Variants in TTN observed in about 807,000 individuals in gnomAD.
TTN encodes the protein titin.
TTN carries 1,525 observed loss-of-function variants against 3,223.0 expected under a neutral mutation model. The ratio of observed to expected loss-of-function variants is 0.47; its 90% CI spans 0.45 to 0.49. The LOEUF is 0.49. Among genes scored for constraint, TTN ranks in the 20% least tolerant of loss-of-function variants. TTN has a pLI of 0.00. For synonymous variants in TTN, 14,094 were observed against 15,161.0 expected, an observed-to-expected ratio of 0.93 and a Z score of 5.17; for missense variants, 40,786 against 43,424.0, an observed-to-expected ratio of 0.94 and a Z score of 5.40.
Position 178,564,999 on chromosome 2 carries a change from A to G in TTN, c.81133T>C (p.Phe27045Leu), listed in dbSNP as rs190041566. Residue 27045 changes from phenylalanine to leucine, a missense_variant, in exon 326 of 363, where the codon TTT becomes CTT. Transcript: ENST00000589042. Reference sequence around the variant, plus strand: ...TACCTGTTTTCAGCAAAAATTCTAAACTGGTACTCCGTGCCTGTTTTCAGT... The same window carrying G: ...TACCTGTTTTCAGCAAAAATTCTAAGCTGGTACTCCGTGCCTGTTTTCAGT... ...TKLKTGTEYQ[F>L]RIFAENRYGK... 25 of 1,612,294 alleles carry G rather than the reference A, an allele frequency of 1.6e-5. No homozygotes were observed. The highest frequency in any genetic ancestry group is 1.0e-4 in the Admixed American group (6 of 59,776).
At chr2:178,794,649 A>G in intron 7 of TTN, 98 bp from the exon 8 acceptor site, 2 of 1,399,202 alleles carry the variant, frequency 1.4e-6, no homozygotes, top group Non-Finnish European at 2.0e-6. Flanking sequence ...AGAGCAAAAT[A>G]CACTCATACA....
Position 178,789,467 on chromosome 2 carries a change from A to G in TTN, c.1969T>C (p.Ser657Pro). 1 of 1,613,492 alleles carries G rather than the reference A, an allele frequency of 6.2e-7. No homozygotes were observed. Among genetic ancestry groups the G allele is most frequent in the Non-Finnish European group, 8.5e-7 (1 of 1,179,560 alleles). ...MRKEAEKTAL[S>P]TIAVATAKAK... ...TTAGCAGTAGCAACTGCTATTGTAG[A>G]CAAGGCAGTTTTCTCGGCTTCCTTT... Residue 657 changes from serine to proline, a missense_variant, in exon 13 of 363, where the codon TCT becomes CCT. Transcript: ENST00000589042.
At position 178,629,403 on chromosome 2, in the gene TTN, G is replaced by C; in HGVS notation, c.44322C>G (p.Thr14774=). Residue 14774 remains threonine (T), a synonymous_variant, in exon 240 of 363, where the codon ACC becomes ACG. Coordinates refer to ENST00000589042, the MANE Select transcript of TTN (RefSeq NM_001267550.2). ...AGGTGGCTGTTTCCCCTGCAGTCAC[G>C]GTGACATCCTTTAAAGGCCTCAGAA... ...IGLLRPLKDV[T]VTAGETATFD... is the part of the protein sequence containing the mutation. The C allele has an allele frequency of 1.9e-6, 3 of 1,612,960 alleles. No individual in the cohort carries two copies. Among genetic ancestry groups the C allele is most frequent in the Non-Finnish European group, 2.5e-6 (3 of 1,179,298 alleles).
rs780886524 is a variant in TTN, at chr2:178,527,107, C to A, written c.107881G>T (p.Val35961Leu). The A allele has an allele frequency of 9.9e-6, 16 of 1,613,784 alleles. No homozygotes were observed. The highest frequency in any genetic ancestry group is 1.1e-5 in the Non-Finnish European group (13 of 1,179,862). Reference protein sequence around the residue: ...DDLTTLIIMDVQKQDGGLYTL... With the variant: ...DDLTTLIIMDLQKQDGGLYTL... Reference sequence around the variant, plus strand: ...TAAAGTCCACCATCTTGTTTCTGTACGTCCATGATGATCAGGGTTGTCAGG... The same window carrying A: ...TAAAGTCCACCATCTTGTTTCTGTAAGTCCATGATGATCAGGGTTGTCAGG... The change falls in exon 363 of 363, where the codon GTA becomes TTA. Residue 35961 changes from valine to leucine, a missense_variant. By Grantham distance (32) the Val-to-Leu change is conservative (BLOSUM62 1). Transcript: ENST00000589042.
In TTN at chr2:178,698,931, AG is replaced by A. The variant is rs144805234; in HGVS notation, c.30683-18del. ...TTTTGGTAACTAAAAAAAAAAAAAA[AG>A]AAAAAAAAAGAAAAAATATTTCTGG... On this transcript the variant is annotated intron_variant, in intron 111 of 362. Coordinates refer to ENST00000589042, the MANE Select transcript of TTN (RefSeq NM_001267550.2). The A allele has an allele frequency of 1.4e-4, 204 of 1,464,780 alleles. No individual in the cohort carries two copies. The highest frequency in any genetic ancestry group is 4.3e-4 in the East Asian group (17 of 39,476). 90.7% of individuals were successfully genotyped at this position (1,464,780 alleles called of 1,614,324 possible).
At chr2:178,592,703 C>G (rs1254720204) in intron 300 of TTN, 43 bp from the exon 301 acceptor site, 2 of 1,611,642 alleles carry the variant, frequency 1.2e-6, no homozygotes, top group East Asian at 4.5e-5. Context: ...ATCCATAATG[C>G]AGATTACAAT....
chr2:178,539,364 G>C lies in TTN; in HGVS notation c.98683+18C>G, dbSNP rs1207576960. 6.2e-7 allele frequency: 1 copy of C among 1,603,728 alleles called. No individual in the cohort carries two copies. The highest frequency in any genetic ancestry group is 1.7e-5 in the Admixed American group (1 of 59,190). ...GCTGAAATAATGTTTATAATTTTGT[G>C]GTTGAAAGGGCACTTACTCAATGGT... is the stretch of plus-strand genomic sequence containing the variant. On this transcript the variant is annotated intron_variant, in intron 352 of 362. Transcript: ENST00000589042.
chr2:178,777,657 T>G, intron 25 of TTN, 47 bp downstream of exon 25: 1 of 1,613,780 alleles, frequency 6.2e-7, no homozygotes. Flanking sequence ...TACATAAGCT[T>G]GTTTTTGTGT....
rs1355128934 is a variant in TTN, at chr2:178,558,442, C to G, written c.87017G>C (p.Arg29006Thr). The G allele has an allele frequency of 2.5e-6, 4 of 1,613,820 alleles. No individual in the cohort carries two copies. The South Asian group carries it at 3.3e-5, about 13-fold the overall frequency. The change falls in exon 327 of 363, where the codon AGA (arginine) becomes ACA (threonine). Residue 29006 changes from arginine to threonine, a missense_variant. By Grantham distance (71) the Arg-to-Thr change is moderately conservative (BLOSUM62 -1). Coordinates refer to ENST00000589042, the MANE Select transcript of TTN (RefSeq NM_001267550.2). The part of the protein sequence containing the change: ...KSTHHVVSGL[R>T]ENSEYFFRVF... ...TCGGAAAAAGTATTCAGAATTCTCT[C>G]TCAGACCGGAAACAACGTGATGGGT...
intron 34 of TTN, 22 bp from the exon 35 acceptor site, chr2:178,770,697 G>A (rs367728275): frequency 3.2e-5 from 52 of 1,605,768 alleles, no homozygotes; most frequent in Admixed American, 1.7e-4. Flanking sequence ...TTTATGATTG[G>A]GTTAGAAAAT....
chr2:178,565,286 T>A lies in TTN; in HGVS notation c.80846A>T (p.Lys26949Ile), dbSNP rs775669416. 1.9e-6 allele frequency: 3 copies of A among 1,613,554 alleles called. No individual in the cohort carries two copies. Among genetic ancestry groups the A allele is most frequent in the Non-Finnish European group, 2.5e-6 (3 of 1,179,698 alleles). ...IKEGNKDDFG[K>I]YTVTATNSAG... The stretch of plus-strand genomic sequence containing the variant: ...ACTATTTGTTGCCGTTACGGTGTAT[T>A]TTCCAAAGTCATCTTTGTTACCTTC... Residue 26949 changes from lysine (K) to isoleucine (I), a missense_variant, in exon 326 of 363, where the codon AAA (lysine) becomes ATA (isoleucine). Lys to Ile is a moderately radical substitution (Grantham distance 102). Transcript: ENST00000589042.
Position 178,688,133 on chromosome 2 carries a change from T to G in TTN, c.32289A>C (p.Glu10763Asp). ...YREEEREEEE[E>D]AEVTEYEVME... ...TACCTTCATATTCTGTAACCTCTGC[T>G]TCTTCCTCCTCCTCTCTTTCTTCTT... The change falls in exon 127 of 363, where the codon GAA (glutamate) becomes GAC (aspartate). Residue 10763 changes from glutamate to aspartate, a missense_variant. Coordinates refer to ENST00000589042, the MANE Select transcript of TTN (RefSeq NM_001267550.2). 6.2e-7 allele frequency: 1 copy of G among 1,612,924 alleles called. No homozygotes were observed. Among genetic ancestry groups the G allele is most frequent in the Non-Finnish European group, 8.5e-7 (1 of 1,179,662 alleles).
Position 178,530,165 on chromosome 2 carries a change from C to T in TTN, c.106375-49G>A, listed in dbSNP as rs767186936. 9 of 1,564,756 alleles carry T rather than the reference C, an allele frequency of 5.8e-6. No homozygotes were observed. In the Admixed American group the frequency reaches 1.9e-4, roughly 34 times the overall value. On this transcript the variant is annotated intron_variant, in intron 358 of 362. Coordinates refer to ENST00000589042, the MANE Select transcript of TTN (RefSeq NM_001267550.2). Reference sequence around the variant, plus strand: ...TTTTAAAAAGTGATTTCATTTTAAGCTTTTTTTGGGAAGCTGAATTTAGAA... The same window carrying T: ...TTTTAAAAAGTGATTTCATTTTAAGTTTTTTTTGGGAAGCTGAATTTAGAA...
intron 22 of TTN, 112 bp downstream of exon 22, chr2:178,779,888 C>T (rs2092610677): frequency 9.5e-7 from 1 of 1,053,758 alleles, no homozygotes; most frequent in East Asian, 2.5e-5. Flanking sequence ...GAACTTGGAC[C>T]TTCTAATAGC....
At position 178,539,128 on chromosome 2, in the gene TTN, C is replaced by T. The variant is rs774296358; in HGVS notation, c.98807G>A (p.Arg32936His). 3.8e-5 allele frequency: 62 copies of T among 1,613,580 alleles called. No individual in the cohort carries two copies. Among genetic ancestry groups the T allele is most frequent in the South Asian group, 3.5e-4 (32 of 91,092 alleles). The change falls in exon 353 of 363, where the codon CGC becomes CAC. Residue 32936 changes from arginine (R) to histidine (H), a missense_variant. Coordinates refer to ENST00000589042, the MANE Select transcript of TTN (RefSeq NM_001267550.2). Reference protein sequence around the residue: ...GSRVTGYYIERKETSTDKWVR... With the variant: ...GSRVTGYYIEHKETSTDKWVR... ...CCACTTGTCAGTGGATGTCTCTTTGCGTTCGATGTAGTAGCCTGTGACTCT... is the reference window on the plus strand; with the variant it reads ...CCACTTGTCAGTGGATGTCTCTTTGTGTTCGATGTAGTAGCCTGTGACTCT...
chr2:178,543,939 A>G lies in TTN; in HGVS notation c.96205T>C (p.Leu32069=), dbSNP rs770663539. 3.7e-6 allele frequency: 6 copies of G among 1,613,586 alleles called. No homozygotes were observed. In the South Asian group the frequency reaches 6.6e-5, roughly 18 times the overall value. ...CGATTAACTTTGTCCACTATTAGCA[A>G]TGAGTAGCTCTCAGTGGTGTCAATA... is the stretch of plus-strand genomic sequence containing the variant. ...AIIDTTESYS[L]LIVDKVNRYD... Residue 32069 remains leucine (L), a synonymous_variant, in exon 346 of 363, where the codon TTG becomes CTG. Coordinates refer to ENST00000589042, the MANE Select transcript of TTN (RefSeq NM_001267550.2).
rs2154179855 is a variant in TTN, at chr2:178,584,499, A to G, written c.65052T>C (p.Asp21684=). The G allele has an allele frequency of 1.2e-6, 2 of 1,613,194 alleles. No homozygotes were observed. Among genetic ancestry groups the G allele is most frequent in the East Asian group, 2.2e-5 (1 of 44,672 alleles). The change falls in exon 311 of 363, where the codon GAT becomes GAC. Residue 21684 remains aspartate, a synonymous_variant. Coordinates refer to ENST00000589042, the MANE Select transcript of TTN (RefSeq NM_001267550.2). The part of the protein sequence containing the change: ...DCIFVAWDRP[D]SDGGSPIIGY... ...CAATAATGGGGCTCCCTCCATCACT[A>G]TCTGGTCTGTCCCAAGCAACAAAAA...
In TTN at chr2:178,549,043, A is replaced by G; in HGVS notation, c.92583T>C (p.Cys30861=). The G allele has an allele frequency of 1.9e-6, 3 of 1,613,912 alleles. No individual in the cohort carries two copies. The highest frequency in any genetic ancestry group is 2.5e-6 in the Non-Finnish European group (3 of 1,179,848). ...TGTGCCAGTCTCCTAAGTCGGCCTT[A>G]CACATTTCAATAATATACCCAATTA... ...MEIIGYIIEM[C]KADLGDWHKV... Residue 30861 remains cysteine, a synonymous_variant, in exon 339 of 363, where the codon TGT becomes TGC. Transcript: ENST00000589042.
At chr2:178,677,150 A>G (rs1277682006) in intron 147 of TTN, 51 bp downstream of exon 147, 3 of 1,158,298 alleles carry the variant, frequency 2.6e-6, no homozygotes, top group African/African-American at 1.6e-5. Flanking sequence ...ATCATAATTT[A>G]TGTGACCAAG....
Sources: allele counts gnomAD v4.1 joint callset, GRCh38; gene constraint gnomAD v4.1.1; transcripts MANE v1.5; gene names NCBI Gene and HGNC (gene_info 2026-07-23, HGNC 2026-07-21).